EHD4: variants seen among roughly 807,000 people sequenced by gnomAD.
The protein encoded by EHD4 is EH domain containing 4.
EHD4 carries 37 observed loss-of-function variants against 51.0 expected under a neutral mutation model. That is an observed-to-expected ratio of 0.73 (90% CI 0.56 to 0.95). EHD4 has a LOEUF of 0.95. Among genes scored for constraint, EHD4 ranks in the 40% least tolerant of loss-of-function variants. The pLI, the probability that EHD4 is intolerant of heterozygous loss-of-function variation, is 0.00. For missense variants in EHD4, 632 were observed against 733.1 expected, an observed-to-expected ratio of 0.86 and a Z score of 1.59; for synonymous variants, 297 against 317.3, an observed-to-expected ratio of 0.94 and a Z score of 0.68.
intron 4 of EHD4, among the ~76,000 whole-genome samples, chr15:41,915,325 G>A (rs1015078783): frequency 6.6e-6 from 1 of 152,162 alleles, no homozygotes; most frequent in African/African-American, 2.4e-5. Flanking sequence ...TGATCTGCCC[G>A]CCTTGGTTTC....
intron 2 of EHD4, among the ~76,000 whole-genome samples, 159 bp from the exon 3 acceptor site, chr15:41,943,323 G>A (rs1340270055): frequency 6.6e-6 from 1 of 152,208 alleles, no homozygotes; most frequent in African/African-American, 2.4e-5. Flanking sequence ...TGTTTGTGAA[G>A]TAGGAGCTTG....
At position 41,969,090 on chromosome 15, in the gene EHD4, C is replaced by T. The variant is rs368650929; in HGVS notation, c.236+3169G>A. On this transcript the variant is annotated intron_variant, in intron 1 of 5. Coordinates refer to ENST00000220325, the MANE Select transcript of EHD4 (RefSeq NM_139265.4). ...GCAAAGAGTTTTACTTTTTTCTCTCCAGTCTGGGAGTTTATTTCTTTTCTT... is the reference window on the plus strand; with the variant it reads ...GCAAAGAGTTTTACTTTTTTCTCTCTAGTCTGGGAGTTTATTTCTTTTCTT... Among the ~76,000 whole-genome samples, 17 of 152,334 alleles carry T rather than the reference C, an allele frequency of 1.1e-4. No homozygotes were observed. The East Asian group carries it at 3.3e-3, about 29-fold the overall frequency.
chr15:41,958,972 GTT>G (rs1472637015), intron 1 of EHD4, among the ~76,000 whole-genome samples: 1 of 152,212 alleles, frequency 6.6e-6, no homozygotes, highest in Non-Finnish European at 1.5e-5. Flanking sequence ...CACTGGGAAT[GTT>G]TACAGGAACG....
intron 4 of EHD4, among the ~76,000 whole-genome samples, chr15:41,913,485 C>G (rs142566545): frequency 4.3e-4 from 61 of 142,184 alleles, no homozygotes; most frequent in African/African-American, 1.6e-3. Flanking sequence ...ACCCACTGAG[C>G]AACTTGGGGC....
chr15:41,934,023 A>C (rs1595538194), intron 3 of EHD4, among the ~76,000 whole-genome samples: 1 of 151,930 alleles, frequency 6.6e-6, no homozygotes, highest in Admixed American at 6.5e-5. Context: ...AGCCTGCCCC[A>C]CCCCATCGTC....
intron 1 of EHD4, among the ~76,000 whole-genome samples, chr15:41,969,012 A>G (rs921295356): frequency 6.6e-6 from 1 of 152,284 alleles, no homozygotes; most frequent in Non-Finnish European, 1.5e-5. Context: ...CCATTGTTCT[A>G]ATAGTTTTTA....
At chr15:41,902,128 C>A (rs147394476) in intron 5 of EHD4, among the ~76,000 whole-genome samples, 56 of 152,254 alleles carry the variant, frequency 3.7e-4, no homozygotes, top group Non-Finnish European at 6.9e-4. Flanking sequence ...CTAGAGGGGG[C>A]CTGGGAAACA....
chr15:41,905,057 A>G (rs1201241427), intron 5 of EHD4, among the ~76,000 whole-genome samples: 1 of 152,244 alleles, frequency 6.6e-6, no homozygotes, highest in Non-Finnish European at 1.5e-5. Flanking sequence ...ATGTGCAAAG[A>G]TCACAGTGTG....
chr15:41,906,825 T>TG (rs1205258688), intron 5 of EHD4, among the ~76,000 whole-genome samples: 3 of 152,182 alleles, frequency 2.0e-5, no homozygotes, highest in Non-Finnish European at 4.4e-5. Context: ...TGTCAGCACT[T>TG]GGAGTGGCTG....
chr15:41,930,243 C>CT (rs1047339861), intron 3 of EHD4, among the ~76,000 whole-genome samples: 1 of 152,150 alleles, frequency 6.6e-6, no homozygotes, highest in African/African-American at 2.4e-5. Flanking sequence ...CCAGGAATCC[C>CT]GTGTCACGCA....
chr15:41,949,016 C>CTATATATATA (rs3035677), intron 2 of EHD4, among the ~76,000 whole-genome samples: 1,301 of 92,298 alleles, frequency 0.014, 14 homozygotes, highest in South Asian at 0.031. Context: ...CAGAGTGAGA[C>CTATATATATA]TATATATATA....
chr15:41,955,741 A>G (rs1378974457), intron 1 of EHD4, among the ~76,000 whole-genome samples: 1 of 152,362 alleles, frequency 6.6e-6, no homozygotes, highest in East Asian at 1.9e-4. Context: ...GGTAAAAGTT[A>G]CTGTGAGGGA....
chr15:41,948,078 AC>A (rs199829852), intron 2 of EHD4, among the ~76,000 whole-genome samples: 2,133 of 152,282 alleles, frequency 0.014, 42 homozygotes, highest in African/African-American at 0.049. Context: ...ACACAGTGAA[AC>A]CCTGTCTGTA....
At chr15:41,940,967 A>G (rs1351060127) in intron 3 of EHD4, among the ~76,000 whole-genome samples, 1 of 152,350 alleles carries the variant, frequency 6.6e-6, no homozygotes, top group East Asian at 1.9e-4. Context: ...GCAGGACCAC[A>G]TATTTCTCCA....
chr15:41,962,386 T>C (rs965736931), intron 1 of EHD4, among the ~76,000 whole-genome samples: 2 of 152,228 alleles, frequency 1.3e-5, no homozygotes, highest in African/African-American at 4.8e-5. Context: ...ATATTTAAGA[T>C]GGTATGGTGT....
chr15:41,966,363 T>C (rs1566828654), intron 1 of EHD4, among the ~76,000 whole-genome samples: 1 of 152,140 alleles, frequency 6.6e-6, no homozygotes, highest in Non-Finnish European at 1.5e-5. Context: ...TCTCCCTGGC[T>C]TTTGTGGGGG....
chr15:41,907,210 G>A (rs76206320), intron 5 of EHD4, among the ~76,000 whole-genome samples: 3,835 of 152,326 alleles, frequency 0.025, 145 homozygotes, highest in African/African-American at 0.076. Flanking sequence ...GGAAGCCAGC[G>A]AGGCACAGAG....
intron 3 of EHD4, among the ~76,000 whole-genome samples, chr15:41,923,387 C>G (rs1013488275): frequency 6.6e-6 from 1 of 152,224 alleles, no homozygotes; most frequent in Non-Finnish European, 1.5e-5. Flanking sequence ...AAATACCTAG[C>G]TACCCAAAAA....
chr15:41,959,749 T>C (rs372562103), intron 1 of EHD4, among the ~76,000 whole-genome samples: 11 of 151,974 alleles, frequency 7.2e-5, no homozygotes, highest in Non-Finnish European at 4.4e-5. Flanking sequence ...GGATGGATCA[T>C]GTGAGGTCAG....
Sources: gnomAD v4.1 joint callset for allele counts (sites outside exome capture counted in the v4.1 genomes callset) on GRCh38, gnomAD v4.1.1 for gene constraint, MANE v1.5 for transcripts, NCBI Gene and HGNC (gene_info 2026-07-23, HGNC 2026-07-21) for gene names.